Variants in FAT4 observed in about 807,000 individuals in gnomAD.
FAT4 encodes the protein FAT atypical cadherin 4, also known as protocadherin Fat 4.
A neutral mutation model predicts 303.9 loss-of-function variants in FAT4; 84 were observed. That is an observed-to-expected ratio of 0.28 (90% confidence interval 0.23 to 0.33). FAT4 has a LOEUF of 0.33. Among genes scored for constraint, FAT4 ranks in the 10% least tolerant of loss-of-function variants. The pLI is 1.00. For synonymous variants in FAT4, 2,307 were observed against 2,298.8 expected, an observed-to-expected ratio of 1.00 and a Z score of -0.10; for missense variants, 6,005 against 6,146.8, an observed-to-expected ratio of 0.98 and a Z score of 0.77.
chr4:125,334,352 C>G (rs1731493527), intron 2 of FAT4, among the ~76,000 whole-genome samples: 2 of 152,172 alleles, frequency 1.3e-5, no homozygotes, highest in African/African-American at 4.8e-5. Flanking sequence ...TGCACCTGTC[C>G]CCATCCCATC....
chr4:125,436,454 C>G (rs1725455470), intron 8 of FAT4, among the ~76,000 whole-genome samples: 1 of 152,032 alleles, frequency 6.6e-6, no homozygotes, highest in African/African-American at 2.4e-5. Context: ...GGGGTTAGGG[C>G]TGGATATACA....
intron 2 of FAT4, among the ~76,000 whole-genome samples, chr4:125,341,522 A>G (rs535382648): frequency 1.3e-4 from 20 of 152,218 alleles, no homozygotes; most frequent in Middle Eastern, 3.4e-3. Context: ...TTAATGAAAA[A>G]TAGAATTTTT....
rs1727562660 is a variant in FAT4, at chr4:125,490,097, C to G, written c.13281C>G (p.Val4427=). The stretch of plus-strand genomic sequence containing the variant: ...ATCAGTGGTATGCCTACAGGTGTGT[C>G]CCTCCTGGGGACTGTGCCTCCCACC... The part of the protein sequence containing the change: ...CINQWYAYRC[V]PPGDCASHPC... The change falls in exon 18 of 18, where the codon GTC becomes GTG. Residue 4427 remains valine, a synonymous_variant. Transcript: ENST00000394329. 1 of 1,613,980 alleles carries G rather than the reference C, an allele frequency of 6.2e-7. No individual in the cohort carries two copies.
intron 16 of FAT4, among the ~76,000 whole-genome samples, chr4:125,486,255 ATTTTCTGTTTTTT>A (rs1184772573): frequency 6.7e-6 from 1 of 149,332 alleles, no homozygotes; most frequent in Non-Finnish European, 1.5e-5. Flanking sequence ...TTTAGCTAGA[ATTTTCTGTTTTTT>A]TTTTTTAGTT....
At chr4:125,346,514 T>C (rs929667861) in intron 2 of FAT4, among the ~76,000 whole-genome samples, 2 of 151,412 alleles carry the variant, frequency 1.3e-5, no homozygotes, top group Admixed American at 6.6e-5. Flanking sequence ...TTCTTAGAGA[T>C]AGAGCCTTGA....
intron 3 of FAT4, among the ~76,000 whole-genome samples, chr4:125,405,777 C>T (rs930315905): frequency 6.6e-6 from 1 of 152,068 alleles, no homozygotes; most frequent in African/African-American, 2.4e-5. Flanking sequence ...GCTGGGATTA[C>T]AGGTGTGAGC....
intron 2 of FAT4, among the ~76,000 whole-genome samples, chr4:125,381,159 C>A (rs1578578797): frequency 6.6e-6 from 1 of 152,168 alleles, no homozygotes; most frequent in East Asian, 1.9e-4. Flanking sequence ...TAAGAGAAAA[C>A]CAATAAATTT....
At chr4:125,380,283 G>T (rs1367457054) in intron 2 of FAT4, among the ~76,000 whole-genome samples, 1 of 152,178 alleles carries the variant, frequency 6.6e-6, no homozygotes, top group Non-Finnish European at 1.5e-5. Flanking sequence ...TGGGAAAATG[G>T]TTGAATCAAT....
At position 125,319,878 on chromosome 4, in the gene FAT4, C is replaced by A; in HGVS notation, c.3467C>A (p.Thr1156Lys). The stretch of plus-strand genomic sequence containing the variant: ...TTGCATGCCATCAGTGGGGAAATTA[C>A]AAATACTCATCAGTTTGACAGGGAG... ...FELHAISGEI[T>K]NTHQFDRESL... Residue 1156 changes from threonine (T) to lysine (K), a missense_variant, in exon 2 of 18, where the codon ACA (threonine) becomes AAA (lysine). Physicochemically the swap from Thr to Lys is moderately conservative, Grantham distance 78. Transcript: ENST00000394329. 6.2e-7 allele frequency: 1 copy of A among 1,614,116 alleles called. No homozygotes were observed. Among genetic ancestry groups the A allele is most frequent in the Non-Finnish European group, 8.5e-7 (1 of 1,180,012 alleles).
Position 125,417,978 on chromosome 4 carries a change from T to G in FAT4, c.7018+1356T>G, listed in dbSNP as rs72675354. On this transcript the variant is annotated intron_variant, in intron 7 of 17. Transcript: ENST00000394329. ...GGATACTCTTGATATGAATAACCAC[T>G]TTTTTCAGGAGAATGTGAGTTTTAG... Among the ~76,000 whole-genome samples, 284 of 152,304 alleles carry G rather than the reference T, an allele frequency of 1.9e-3. 1 individual carries two copies. The highest frequency in any genetic ancestry group is 3.1e-3 in the Non-Finnish European group (214 of 68,018).
intron 2 of FAT4, among the ~76,000 whole-genome samples, chr4:125,387,505 T>A (rs902157235): frequency 1.3e-5 from 2 of 152,154 alleles, no homozygotes; most frequent in African/African-American, 4.8e-5. Flanking sequence ...AATTTTCTAT[T>A]CTTAAAAAAA....
chr4:125,443,622 G>C (rs1271156655), intron 8 of FAT4, among the ~76,000 whole-genome samples: 7 of 152,230 alleles, frequency 4.6e-5, no homozygotes, highest in Non-Finnish European at 8.8e-5. Flanking sequence ...ATTTAAATAA[G>C]AGCATATATA....
chr4:125,336,252 G>T (rs938955844), intron 2 of FAT4, among the ~76,000 whole-genome samples: 2 of 151,996 alleles, frequency 1.3e-5, no homozygotes, highest in African/African-American at 4.8e-5. Context: ...ACATAACCAA[G>T]AACAGAAGGG....
At chr4:125,422,965 A>T (rs1724959428) in intron 7 of FAT4, among the ~76,000 whole-genome samples, 1 of 152,310 alleles carries the variant, frequency 6.6e-6, no homozygotes, top group African/African-American at 2.4e-5. Context: ...CACTCTTGCT[A>T]TGCAAAGAGA....
chr4:125,415,171 T>G lies in FAT4; in HGVS notation c.6208T>G (p.Phe2070Val), dbSNP rs1339108055. 6.2e-7 allele frequency: 1 copy of G among 1,614,134 alleles called. No homozygotes were observed. The highest frequency in any genetic ancestry group is 8.5e-7 in the Non-Finnish European group (1 of 1,179,998). ...AAATACACCTATTGATACTGTTGTT[T>G]TCAAAGCTCAAGCAACTGACCCAGA... The part of the protein sequence containing the change: ...PENTPIDTVV[F>V]KAQATDPDSG... Residue 2070 changes from phenylalanine to valine, a missense_variant, in exon 6 of 18, where the codon TTC (phenylalanine) becomes GTC (valine). By Grantham distance (50) the Phe-to-Val change is conservative. Transcript: ENST00000394329.
At position 125,398,243 on chromosome 4, in the gene FAT4, G is replaced by A. The variant is rs1012849553; in HGVS notation, c.5176-541G>A. 2.6e-5 allele frequency among the ~76,000 whole-genome samples: 4 copies of A among 152,212 alleles called. No individual in the cohort carries two copies. The South Asian group carries it at 6.2e-4, about 24-fold the overall frequency. Reference sequence around the variant, plus strand: ...AGTCACAAATAGAGAGTGCTGATACGAGTGGAAATAGAAAGAAAAGATGTA... The same window carrying A: ...AGTCACAAATAGAGAGTGCTGATACAAGTGGAAATAGAAAGAAAAGATGTA... On this transcript the variant is annotated intron_variant, in intron 2 of 17. Transcript: ENST00000394329.
chr4:125,351,036 G>C (rs1479732631), intron 2 of FAT4, among the ~76,000 whole-genome samples: 2 of 151,646 alleles, frequency 1.3e-5, no homozygotes, highest in East Asian at 3.9e-4. Flanking sequence ...CTGATTCCAT[G>C]CTTTGCATCA....
rs556536853 is a variant in FAT4, at chr4:125,448,973, G to A, written c.7963G>A (p.Glu2655Lys). Residue 2655 changes from glutamate to lysine, a missense_variant, in exon 10 of 18, where the codon GAG becomes AAG. Glu to Lys is a moderately conservative substitution (Grantham distance 56). Transcript: ENST00000394329. ...DGGFPPFSSY[E>K]KLDITVLDVN... ...TGGTTTCCCTCCTTTCTCCTCTTAC[G>A]AGAAACTTGATATAACAGTATTAGA... 3.3e-5 allele frequency: 53 copies of A among 1,613,830 alleles called. 1 individual carries two copies. In the South Asian group the frequency reaches 4.4e-4, roughly 13 times the overall value.
Position 125,452,603 on chromosome 4 carries a change from A to G in FAT4, c.11593A>G (p.Ile3865Val). The change falls in exon 10 of 18, where the codon ATA becomes GTA. Residue 3865 changes from isoleucine (I) to valine (V), a missense_variant. Coordinates refer to ENST00000394329, the MANE Select transcript of FAT4 (RefSeq NM_001291303.3). The stretch of plus-strand genomic sequence containing the variant: ...TGCGGGTAGCTGGTGTGAAATAGAT[A>G]TAGATGAATGTCTTCCATCACCTTG... ...GYAGSWCEID[I>V]DECLPSPCHS... 1 of 1,614,178 alleles carries G rather than the reference A, an allele frequency of 6.2e-7. No homozygotes were observed. Among genetic ancestry groups the G allele is most frequent in the Non-Finnish European group, 8.5e-7 (1 of 1,180,030 alleles).
Sources: allele counts gnomAD v4.1 joint callset (sites outside exome capture counted in the v4.1 genomes callset), GRCh38; gene constraint gnomAD v4.1.1; transcripts MANE v1.5; gene names NCBI Gene and HGNC (gene_info 2026-07-23, HGNC 2026-07-21).